The following COL11A1 variants were observed in gnomAD, a reference collection of about 807,000 sequenced individuals.
The protein encoded by COL11A1 is collagen alpha-1(XI) chain.
COL11A1 carries 74 observed loss-of-function variants against 265.2 expected under a neutral mutation model. That is an observed-to-expected ratio of 0.28 (90% CI 0.23 to 0.34). The LOEUF (loss-of-function observed/expected upper bound fraction) is 0.34, where lower values mean the gene tolerates loss of function less well. Among genes scored for constraint, COL11A1 ranks in the 10% least tolerant of loss-of-function variants. The pLI, the probability that COL11A1 is intolerant of heterozygous loss-of-function variation, is 1.00. For missense variants in COL11A1, 2,165 were observed against 2,263.6 expected, an observed-to-expected ratio of 0.96 and a Z score of 0.88; for synonymous variants, 816 against 727.6, an observed-to-expected ratio of 1.12 and a Z score of -1.96.
chr1:103,041,872 A>C (rs1176072651), intron 4 of COL11A1, among the ~76,000 whole-genome samples: 1 of 151,946 alleles, frequency 6.6e-6, no homozygotes, highest in Middle Eastern at 3.2e-3. Flanking sequence ...TTTTGGAAAA[A>C]CTGTATTTTG....
At chr1:102,913,835 T>G (rs553232162) in intron 52 of COL11A1, 145 bp from the exon 53 acceptor site, 1 of 795,712 alleles carries the variant, frequency 1.3e-6, no homozygotes, top group South Asian at 1.7e-5. Context: ...TTAACCTTTT[T>G]TAAAAAGATT....
intron 4 of COL11A1, among the ~76,000 whole-genome samples, chr1:103,065,447 G>A (rs1042913865): frequency 8.6e-5 from 13 of 150,778 alleles, no homozygotes; most frequent in Admixed American, 6.6e-4. Context: ...ATGAACCCGG[G>A]AGGCGGAGCT....
At chr1:102,896,874 T>C (rs1233751800) in intron 57 of COL11A1, among the ~76,000 whole-genome samples, 1 of 152,102 alleles carries the variant, frequency 6.6e-6, no homozygotes, top group Non-Finnish European at 1.5e-5. Flanking sequence ...GGCAAGGTAT[T>C]TTTTCCTTCC....
intron 1 of COL11A1, among the ~76,000 whole-genome samples, chr1:103,089,471 T>C (rs1673136672): frequency 6.6e-6 from 1 of 152,196 alleles, no homozygotes; most frequent in Non-Finnish European, 1.5e-5. Context: ...GTCTAAATTA[T>C]GGTCATGATT....
Position 102,942,725 on chromosome 1 carries a change from G to A in COL11A1, c.3277-2291C>T, listed in dbSNP as rs74110511. On this transcript the variant is annotated intron_variant, in intron 42 of 66. Coordinates refer to ENST00000370096, the MANE Select transcript of COL11A1 (RefSeq NM_001854.4). ...ACTCCTTCCTCAAAAGCTCATTTGT[G>A]TATTCATTCTCAGTTTATTATTTCA... 6.5e-3 allele frequency among the ~76,000 whole-genome samples: 995 copies of A among 152,086 alleles called. 11 individuals carry two copies. Among genetic ancestry groups the A allele is most frequent in the African/African-American group, 0.023 (947 of 41,512 alleles).
chr1:102,888,578 G>C lies in COL11A1; in HGVS notation c.4607C>G (p.Pro1536Arg). 1 of 1,612,152 alleles carries C rather than the reference G, an allele frequency of 6.2e-7. No individual in the cohort carries two copies. Among genetic ancestry groups the C allele is most frequent in the Middle Eastern group, 1.7e-4 (1 of 6,058 alleles). ...DSGLPGPPGSPGPPGEVIQPL... is the reference protein window; with the variant it reads ...DSGLPGPPGSRGPPGEVIQPL... ...TCACTCTTGTTAACATATACTTACT[G>C]GAGACCCAGGAGGCCCTGGAAGACC... The change falls in exon 62 of 67, where the codon CCA (proline) becomes CGA (arginine). Residue 1536 changes from proline to arginine, a missense_variant and splice_region_variant. Transcript: ENST00000370096.
chr1:102,878,301 A>G (rs1240248134), intron 66 of COL11A1, 136 bp from the exon 67 acceptor site: 8 of 699,702 alleles, frequency 1.1e-5, no homozygotes, highest in African/African-American at 5.4e-5. Context: ...TCTATTATCT[A>G]TGTAATAATT....
intron 14 of COL11A1, among the ~76,000 whole-genome samples, chr1:103,011,264 T>G (rs1352010488): frequency 1.3e-5 from 2 of 152,166 alleles, no homozygotes; most frequent in Non-Finnish European, 2.9e-5. Flanking sequence ...TAATTAAAAA[T>G]TAACTCTATT....
intron 54 of COL11A1, among the ~76,000 whole-genome samples, chr1:102,910,081 AG>A (rs1244342410): frequency 6.6e-6 from 1 of 151,982 alleles, no homozygotes; most frequent in Non-Finnish European, 1.5e-5. Flanking sequence ...TGATAGTTAT[AG>A]GTTTATATAT....
chr1:102,884,015 A>G (rs766214667), intron 63 of COL11A1, among the ~76,000 whole-genome samples: 6 of 152,198 alleles, frequency 3.9e-5, no homozygotes, highest in Non-Finnish European at 8.8e-5. Context: ...GTTATTCTTT[A>G]GATAACTGAC....
At chr1:103,047,203 G>T (rs1248644510) in intron 4 of COL11A1, among the ~76,000 whole-genome samples, 1 of 152,096 alleles carries the variant, frequency 6.6e-6, no homozygotes, top group Non-Finnish European at 1.5e-5. Flanking sequence ...TGGGCAGTAT[G>T]GCCAATTTCA....
In COL11A1 at chr1:103,050,482, T is replaced by C. The variant is rs565192471; in HGVS notation, c.652-19238A>G. ...CCTTTAAGGACTTCTCTGCATTGGTTATTCTAGTTATCCATTCGTCTAATT... is the reference window on the plus strand; with the variant it reads ...CCTTTAAGGACTTCTCTGCATTGGTCATTCTAGTTATCCATTCGTCTAATT... On this transcript the variant is annotated intron_variant, in intron 4 of 66. Transcript: ENST00000370096. 1.2e-4 allele frequency among the ~76,000 whole-genome samples: 18 copies of C among 152,322 alleles called. No homozygotes were observed. The South Asian group carries it at 2.5e-3, about 21-fold the overall frequency.
At chr1:102,945,192 A>C (rs1192167905) in intron 42 of COL11A1, among the ~76,000 whole-genome samples, 4 of 151,988 alleles carry the variant, frequency 2.6e-5, no homozygotes, top group Admixed American at 6.6e-5. Flanking sequence ...AAATTAATTA[A>C]TGCCGTTATT....
rs1300756259 is a variant in COL11A1 at position 102,898,675 on chromosome 1, A to G, written c.4239T>C (p.Pro1413=). The G allele has an allele frequency of 6.2e-7, 1 of 1,612,058 alleles. No homozygotes were observed. Among genetic ancestry groups the G allele is most frequent in the Admixed American group, 1.7e-5 (1 of 59,958 alleles). ...TAACACAGATGCTCACCACAGGACC[A>G]GGGATGCCCCGAAGACCTTCTGGAC... is the stretch of plus-strand genomic sequence containing the variant. ...KPGPEGLRGI[P]GPVGEQGLPG... The change falls in exon 56 of 67, where the codon CCT becomes CCC. Residue 1413 remains proline, a synonymous_variant. Coordinates refer to ENST00000370096, the MANE Select transcript of COL11A1 (RefSeq NM_001854.4).
In COL11A1 at chr1:103,108,185, G is replaced by A. The variant is rs758027261; in HGVS notation, c.-7C>T. The A allele has an allele frequency of 1.2e-6, 2 of 1,612,220 alleles. No homozygotes were observed. Among genetic ancestry groups the A allele is most frequent in the Admixed American group, 1.7e-5 (1 of 60,002 alleles). ...TAGAGGACCACGGCTCCATCTCCGA[G>A]CCCCGCACTCACAACTGTGAACTCA... On this transcript the variant is annotated 5_prime_UTR_variant, in exon 1 of 67. Coordinates refer to ENST00000370096, the MANE Select transcript of COL11A1 (RefSeq NM_001854.4).
chr1:102,991,699 C>T (rs774017178), intron 28 of COL11A1, among the ~76,000 whole-genome samples: 7 of 152,094 alleles, frequency 4.6e-5, no homozygotes, highest in Non-Finnish European at 8.8e-5. Context: ...TACTAAATGC[C>T]TCAGTGTGAG....
At chr1:103,062,987 G>T (rs1670792333) in intron 4 of COL11A1, among the ~76,000 whole-genome samples, 2 of 151,740 alleles carry the variant, frequency 1.3e-5, no homozygotes, top group African/African-American at 4.8e-5. Context: ...ACTCAAAAAA[G>T]AAATACATAT....
rs943742816 is a variant in COL11A1 at position 103,017,948 on chromosome 1, C to T, written c.1351-66G>A. The T allele has an allele frequency of 1.2e-5, 15 of 1,271,108 alleles. No homozygotes were observed. The African/African-American group carries it at 2.2e-4, about 19-fold the overall frequency. The allele number at this position is 1,271,108 out of a possible 1,614,324, so 78.7% of individuals were successfully genotyped here. On this transcript the variant is annotated intron_variant, in intron 10 of 66. Coordinates refer to ENST00000370096, the MANE Select transcript of COL11A1 (RefSeq NM_001854.4). ...TCATTAATATTTAGATGAATTCACT[C>T]TAGTCCTATCGAAGAGTTCGTTTAT...
chr1:102,940,296 G>T, intron 43 of COL11A1, 31 bp downstream of exon 43: 1 of 1,540,830 alleles, frequency 6.5e-7, no homozygotes, highest in Non-Finnish European at 9.0e-7. Context: ...CTTTTTCACA[G>T]GATCTACTAA....
Sources: gnomAD v4.1 joint callset for allele counts (sites outside exome capture counted in the v4.1 genomes callset) on GRCh38, gnomAD v4.1.1 for gene constraint, MANE v1.5 for transcripts, NCBI Gene and HGNC (gene_info 2026-07-23, HGNC 2026-07-21) for gene names.